ECSCR: variants seen among roughly 807,000 people sequenced by gnomAD.
The protein encoded by ECSCR is endothelial cell surface expressed chemotaxis and apoptosis regulator.
Under a neutral mutation model 16.7 loss-of-function variants are expected in ECSCR, and 12 were observed. The ratio of observed to expected loss-of-function variants is 0.72; its 90% CI spans 0.46 to 1.17. The LOEUF (loss-of-function observed/expected upper bound fraction) is 1.17. ECSCR is among the 50% of genes most tolerant of loss of function. ECSCR has a pLI of 0.00. For missense variants in ECSCR, 122 were observed against 116.1 expected, an observed-to-expected ratio of 1.05 and a Z score of -0.23; for synonymous variants, 44 against 42.2, an observed-to-expected ratio of 1.04 and a Z score of -0.17.
Position 139,462,676 on chromosome 5 carries a change from C to G in ECSCR, c.-6G>C. On this transcript the variant is annotated 5_prime_UTR_variant, in exon 1 of 10. Transcript: ENST00000618155. The stretch of plus-strand genomic sequence containing the variant: ...ATGGCTCCTGCGGTGCCCATGTCAG[C>G]TGGGTATGTGGCGGGCAGGCAGCAG... 7.1e-7 allele frequency: 1 copy of G among 1,415,638 alleles called. No individual in the cohort carries two copies. The allele number at this position is 1,415,638 out of a possible 1,614,324, so 87.7% of individuals were successfully genotyped here.
intron 4 of ECSCR, among the ~76,000 whole-genome samples, chr5:139,457,168 C>T (rs1320289358): frequency 6.6e-6 from 1 of 152,216 alleles, no homozygotes; most frequent in African/African-American, 2.4e-5. Context: ...GGGCCATTCT[C>T]TTGTTCACCT....
chr5:139,449,836 C>G (rs1188799647), intron 8 of ECSCR, among the ~76,000 whole-genome samples: 1 of 151,938 alleles, frequency 6.6e-6, no homozygotes, highest in African/African-American at 2.4e-5. Flanking sequence ...ATCTACCTGC[C>G]TCAGCGTCCC....
chr5:139,456,440 G>A lies in ECSCR; in HGVS notation c.262+34C>T, dbSNP rs978627014. On this transcript the variant is annotated intron_variant, in intron 5 of 9. Transcript: ENST00000618155. ...GAAAGGGTCACAGACATCTCCTGCC[G>A]ACTTCTCTTCAGGGCGAGTGCAGCA... 47 of 398,460 alleles carry A rather than the reference G, an allele frequency of 1.2e-4. 2 individuals are homozygous for A. The highest frequency in any genetic ancestry group is 1.3e-3 in the Middle Eastern group (2 of 1,590). The allele number at this position is 398,460 out of a possible 1,614,324, so 24.7% of individuals were successfully genotyped here. A position where few individuals can be genotyped will look rare whatever the true frequency, so the allele number is the denominator to read the frequency against.
In ECSCR at chr5:139,462,598, G is replaced by T; in HGVS notation, c.61+12C>A. 1 of 1,592,990 alleles carries T rather than the reference G, an allele frequency of 6.3e-7. No homozygotes were observed. Among genetic ancestry groups the T allele is most frequent in the South Asian group, 1.1e-5 (1 of 87,314 alleles). Reference sequence around the variant, plus strand: ...GAGGAATTGCCATGGGAAAGCGGCAGGCACCTCTTACCTCGGAACAGGAGG... The same window carrying T: ...GAGGAATTGCCATGGGAAAGCGGCATGCACCTCTTACCTCGGAACAGGAGG... On this transcript the variant is annotated intron_variant, in intron 1 of 9. Transcript: ENST00000618155.
At chr5:139,454,557 G>T in intron 8 of ECSCR, 45 bp downstream of exon 8, 3 of 398,150 alleles carry the variant, frequency 7.5e-6, no homozygotes, top group Non-Finnish European at 8.9e-6. Context: ...CCCTCTGGGA[G>T]TTGGGGTCTG....
In ECSCR at chr5:139,457,801, AG is replaced by A; in HGVS notation, c.112del (p.Gly39AlafsTer3). On this transcript the variant is annotated frameshift_variant, in exon 3 of 10. Transcript: ENST00000618155. ...CTCTGTGGTCAGACTTAGACCGCCAAGGCCTCCTGAAACAGAACATCTGAGG... is the reference window on the plus strand; with the variant it reads ...CTCTGTGGTCAGACTTAGACCGCCAAGCCTCCTGAAACAGAACATCTGAGG... ...MTQTSSSQGG[L>X]GGLSLTTEPV... 2 of 1,608,800 alleles carry A rather than the reference AG, an allele frequency of 1.2e-6. No homozygotes were observed. Among genetic ancestry groups the A allele is most frequent in the Non-Finnish European group, 1.7e-6 (2 of 1,177,500 alleles).
chr5:139,462,739 GGAGTGC>G, exon 1 of ECSCR: 1 of 1,305,910 alleles, frequency 7.7e-7, no homozygotes, highest in Non-Finnish European at 1.1e-6. Flanking sequence ...GAAGAGAGAG[GGAGTGC>G]TGGGGCGGGA....
chr5:139,457,604 C>A lies in ECSCR; in HGVS notation c.158G>T (p.Gly53Val), dbSNP rs200525888. The A allele has an allele frequency of 5.8e-5, 51 of 879,762 alleles. No homozygotes were observed. The Middle Eastern group carries it at 6.4e-4, about 11-fold the overall frequency. The allele number at this position is 879,762 out of a possible 1,614,324, so 54.5% of individuals were successfully genotyped here. The change falls in exon 4 of 10, where the codon GGA becomes GTA. Residue 53 changes from glycine to valine, a missense_variant and splice_region_variant. Physicochemically the swap from Gly to Val is moderately radical, Grantham distance 109 (BLOSUM62 -3). Transcript: ENST00000618155. Reference sequence around the variant, plus strand: ...GTTAGCCTCTGAGGAAGGGATGTATCCTGCAAGGACAGAGGCAGATAGGGA... The same window carrying A: ...GTTAGCCTCTGAGGAAGGGATGTATACTGCAAGGACAGAGGCAGATAGGGA... ...LTTEPVSSNP[G>V]YIPSSEANRP...
chr5:139,460,678 CTG>C (rs886345894), intron 1 of ECSCR, among the ~76,000 whole-genome samples: 21 of 152,256 alleles, frequency 1.4e-4, no homozygotes, highest in African/African-American at 4.8e-4. Flanking sequence ...TAGGGAGCAT[CTG>C]TGTCTACAGC....
At chr5:139,460,602 T>C (rs1469738123) in intron 1 of ECSCR, among the ~76,000 whole-genome samples, 1 of 152,190 alleles carries the variant, frequency 6.6e-6, no homozygotes, top group African/African-American at 2.4e-5. Flanking sequence ...TCTTTGCCTC[T>C]TGCCCCTCCC....
chr5:139,460,221 C>T (rs552722622), intron 1 of ECSCR, among the ~76,000 whole-genome samples: 33 of 152,096 alleles, frequency 2.2e-4, no homozygotes, highest in East Asian at 5.8e-4. Context: ...CTGCAACCTC[C>T]GCCTCCCGGG....
intron 5 of ECSCR, among the ~76,000 whole-genome samples, chr5:139,456,248 A>T (rs1488323126): frequency 1.3e-5 from 2 of 152,128 alleles, no homozygotes; most frequent in Admixed American, 6.6e-5. Flanking sequence ...GGACGACAGA[A>T]CAAGACTCCT....
chr5:139,451,621 G>T (rs1333404868), intron 8 of ECSCR, among the ~76,000 whole-genome samples: 2 of 148,094 alleles, frequency 1.4e-5, no homozygotes, highest in Non-Finnish European at 3.0e-5. Context: ...GGATGTGTGT[G>T]GTGTGTGGGT....
intron 8 of ECSCR, among the ~76,000 whole-genome samples, chr5:139,450,768 T>G (rs1362611060): frequency 2.7e-5 from 4 of 149,356 alleles, no homozygotes; most frequent in East Asian, 2.0e-4. Flanking sequence ...AGAGCAAGAC[T>G]CCATGTCAAA....
Position 139,448,819 on chromosome 5 carries a change from C to T in ECSCR, c.*81G>A. 3 of 1,526,464 alleles carry T rather than the reference C, an allele frequency of 2.0e-6. No homozygotes were observed. Among genetic ancestry groups the T allele is most frequent in the Non-Finnish European group, 2.6e-6 (3 of 1,143,242 alleles). The allele number at this position is 1,526,464 out of a possible 1,614,324, so 94.6% of individuals were successfully genotyped here. A position where few individuals can be genotyped will look rare whatever the true frequency, so the allele number is the denominator to read the frequency against. On this transcript the variant is annotated 3_prime_UTR_variant, in exon 10 of 10. Coordinates refer to ENST00000618155, the MANE Select transcript of ECSCR (RefSeq NM_001077693.4). ...AAATAATTTACATGTGGTTCATTGCCTCTACTAATTCCATCTCTTCCTCCT... is the reference window on the plus strand; with the variant it reads ...AAATAATTTACATGTGGTTCATTGCTTCTACTAATTCCATCTCTTCCTCCT...
At chr5:139,461,290 C>T (rs982249317) in intron 1 of ECSCR, among the ~76,000 whole-genome samples, 1 of 152,118 alleles carries the variant, frequency 6.6e-6, no homozygotes, top group South Asian at 2.1e-4. Context: ...TTGTTTTTGC[C>T]CTGTTCTCTC....
chr5:139,458,219 C>T (rs1561476488), intron 1 of ECSCR, 36 bp from the exon 2 acceptor site: 2 of 1,545,280 alleles, frequency 1.3e-6, no homozygotes, highest in Admixed American at 2.0e-5. Context: ...CTTGGTAAGT[C>T]CCCTGCCCAG....
intron 1 of ECSCR, among the ~76,000 whole-genome samples, chr5:139,461,695 T>C (rs1160034658): frequency 1.3e-5 from 2 of 152,046 alleles, no homozygotes; most frequent in African/African-American, 4.8e-5. Context: ...CCCATGGACT[T>C]TTAGAGAAAT....
rs565065683 is a variant in ECSCR at position 139,457,819 on chromosome 5, C to T, written c.107-12G>A. ...ACCGCCAAGGCCTCCTGAAACAGAA[C>T]ATCTGAGGCTGAGGGGTGCACCGCC... On this transcript the variant is annotated splice_polypyrimidine_tract_variant and intron_variant, in intron 2 of 9. Coordinates refer to ENST00000618155, the MANE Select transcript of ECSCR (RefSeq NM_001077693.4). 2.5e-6 allele frequency: 4 copies of T among 1,602,702 alleles called. No individual in the cohort carries two copies. The African/African-American group carries it at 5.4e-5, about 21-fold the overall frequency.
Sources: allele counts gnomAD v4.1 joint callset (sites outside exome capture counted in the v4.1 genomes callset), GRCh38; gene constraint gnomAD v4.1.1; transcripts MANE v1.5; gene names NCBI Gene and HGNC (gene_info 2026-07-23, HGNC 2026-07-21).